Variants in SRGAP2 observed in about 807,000 individuals in gnomAD.
SRGAP2 encodes SLIT-ROBO Rho GTPase activating protein 2, also known as SLIT-ROBO Rho GTPase-activating protein 2.
In SRGAP2, 15 loss-of-function variants were observed where a neutral mutation model predicts 57.2. The observed-to-expected ratio is 0.26, with a 90% CI of 0.18 to 0.40. The LOEUF is 0.40. Ranked by LOEUF, SRGAP2 falls within the 10% of genes least tolerant of loss-of-function variation. The probability of loss-of-function intolerance (pLI) is 1.00; values close to 1 mark genes in which losing one functional copy is unlikely to be tolerated. For synonymous variants in SRGAP2, 249 were observed against 248.0 expected (o/e 1.00, Z -0.04); for missense variants, 520 against 669.6 (o/e 0.78, Z 2.47).
chr1:206,427,636 C>T (rs1483716059), intron 13 of SRGAP2, among the ~76,000 whole-genome samples: 1 of 152,158 alleles, frequency 6.6e-6, no homozygotes, highest in Non-Finnish European at 1.5e-5. Context: ...AATTCAGAGC[C>T]AGGGGGGGGA....
At chr1:206,340,605 A>G (rs1553334916) in intron 3 of SRGAP2, among the ~76,000 whole-genome samples, 1 of 151,820 alleles carries the variant, frequency 6.6e-6, no homozygotes, top group African/African-American at 2.4e-5. Flanking sequence ...TTTAAAAAGC[A>G]TGCTTACTGA....
intron 13 of SRGAP2, among the ~76,000 whole-genome samples, chr1:206,428,958 A>T (rs1027833096): frequency 1.2e-4 from 18 of 152,074 alleles, no homozygotes; most frequent in Admixed American, 6.6e-5. Flanking sequence ...TCACTTTTTC[A>T]TTTTAATGAG....
chr1:206,452,380 A>G (rs1231951389), intron 19 of SRGAP2, among the ~76,000 whole-genome samples: 2 of 152,230 alleles, frequency 1.3e-5, no homozygotes, highest in Non-Finnish European at 2.9e-5. Context: ...ATAGAGAGAC[A>G]GAAAGCTCAC....
At chr1:206,342,143 T>C (rs1288454420) in intron 3 of SRGAP2, among the ~76,000 whole-genome samples, 1 of 152,056 alleles carries the variant, frequency 6.6e-6, no homozygotes, top group Non-Finnish European at 1.5e-5. Context: ...AAATCAAAAC[T>C]TCCTTAGATG....
intron 5 of SRGAP2, among the ~76,000 whole-genome samples, chr1:206,390,684 C>A (rs1407938295): frequency 6.6e-6 from 1 of 151,772 alleles, no homozygotes; most frequent in Admixed American, 6.6e-5. Context: ...GCTGAGATAA[C>A]AGATGCCTCT....
chr1:206,452,925 G>A (rs868946368), intron 19 of SRGAP2, among the ~76,000 whole-genome samples: 4 of 147,626 alleles, frequency 2.7e-5, no homozygotes, highest in Non-Finnish European at 6.0e-5. Context: ...TGCTTGAGTT[G>A]TGTTTTGATG....
intron 4 of SRGAP2, among the ~76,000 whole-genome samples, chr1:206,355,610 CAGTT>C (rs1676371196): frequency 6.6e-6 from 1 of 152,168 alleles, no homozygotes. Context: ...ATTTTAGTAT[CAGTT>C]GATAATTTTA....
intron 10 of SRGAP2, among the ~76,000 whole-genome samples, chr1:206,415,300 G>T (rs1553361234): frequency 1.3e-5 from 2 of 152,250 alleles, no homozygotes; most frequent in Non-Finnish European, 2.9e-5. Flanking sequence ...ATGTGTGTAT[G>T]CAAGTCGGGG....
intron 14 of SRGAP2, among the ~76,000 whole-genome samples, chr1:206,435,301 G>A (rs1218706410): frequency 2.6e-5 from 4 of 152,226 alleles, no homozygotes; most frequent in Admixed American, 2.6e-4. Flanking sequence ...TGGGCAAAAT[G>A]TAGCATTAGT....
intron 17 of SRGAP2, among the ~76,000 whole-genome samples, chr1:206,443,353 ATTT>A (rs1558439003): frequency 1.3e-5 from 2 of 152,022 alleles, no homozygotes; most frequent in Non-Finnish European, 2.9e-5. Context: ...CTTTGTTTTT[ATTT>A]TGTTGTTGTT....
chr1:206,447,579 G>A (rs1662872390), intron 18 of SRGAP2, among the ~76,000 whole-genome samples: 2 of 152,216 alleles, frequency 1.3e-5, no homozygotes, highest in South Asian at 4.1e-4. Context: ...GGTGGTGACT[G>A]GGGAGGTTGT....
intron 2 of SRGAP2, chr1:206,214,930 A>G (rs1558224148): frequency 6.6e-6 from 1 of 152,230 alleles, no homozygotes; most frequent in Non-Finnish European, 1.5e-5. Flanking sequence ...TTCTTCTCTT[A>G]ATAGATCTCA....
intron 2 of SRGAP2, among the ~76,000 whole-genome samples, chr1:206,243,663 GA>G: frequency 6.6e-6 from 1 of 152,328 alleles, no homozygotes; most frequent in East Asian, 1.9e-4. Flanking sequence ...GATCTAGAGA[GA>G]AAGGGCAGAT....
intron 4 of SRGAP2, among the ~76,000 whole-genome samples, chr1:206,378,591 G>A (rs1317301740): frequency 6.6e-6 from 1 of 152,248 alleles, no homozygotes; most frequent in East Asian, 1.9e-4. Context: ...GTGGAGTGGG[G>A]TCTTGGAGAA....
At chr1:206,337,958 G>T (rs1558322006) in intron 3 of SRGAP2, among the ~76,000 whole-genome samples, 1 of 152,170 alleles carries the variant, frequency 6.6e-6, no homozygotes, top group Non-Finnish European at 1.5e-5. Context: ...TCCATAAATA[G>T]TCCAAGGTGA....
chr1:206,417,918 T>G, intron 11 of SRGAP2, among the ~76,000 whole-genome samples: 1 of 151,552 alleles, frequency 6.6e-6, no homozygotes, highest in East Asian at 1.9e-4. Context: ...GCATAGTCCA[T>G]AAGTAAGACA....
intron 2 of SRGAP2, among the ~76,000 whole-genome samples, chr1:206,295,786 G>A (rs1671556214): frequency 1.3e-5 from 2 of 152,166 alleles, no homozygotes; most frequent in Admixed American, 1.3e-4. Flanking sequence ...CTTGAGAACA[G>A]GGACCTTCAT....
At chr1:206,322,609 C>A (rs1471462568) in intron 3 of SRGAP2, among the ~76,000 whole-genome samples, 2 of 136,986 alleles carry the variant, frequency 1.5e-5, no homozygotes, top group Admixed American at 7.0e-5. Flanking sequence ...GAATTACTAA[C>A]CCATGCCTCT....
At chr1:206,248,938 C>T (rs1668664837) in intron 2 of SRGAP2, among the ~76,000 whole-genome samples, 1 of 151,572 alleles carries the variant, frequency 6.6e-6, no homozygotes, top group African/African-American at 2.4e-5. Context: ...ACAGCTAGAA[C>T]AATCCTTTTA....
Sources: allele counts gnomAD v4.1 joint callset (sites outside exome capture counted in the v4.1 genomes callset), GRCh38; gene constraint gnomAD v4.1.1; transcripts MANE v1.5; gene names NCBI Gene and HGNC (gene_info 2026-07-23, HGNC 2026-07-21).